The following SLC30A8 variants were observed in gnomAD, a reference collection of about 807,000 sequenced individuals.
SLC30A8 encodes the protein solute carrier family 30 member 8, also known as proton-coupled zinc antiporter SLC30A8.
In SLC30A8, 27 loss-of-function variants were observed where a neutral mutation model predicts 36.9. The ratio of observed to expected loss-of-function variants is 0.73; its 90% CI spans 0.54 to 1.01. The LOEUF (loss-of-function observed/expected upper bound fraction) is 1.01, where lower values mean the gene tolerates loss of function less well. Among genes scored for constraint, SLC30A8 ranks in the 50% least tolerant of loss-of-function variants. SLC30A8 has a pLI of 0.00. For synonymous variants in SLC30A8, 164 were observed against 172.4 expected (o/e 0.95, Z 0.38); for missense variants, 439 against 452.0 (o/e 0.97, Z 0.26).
chr8:117,084,016 CAG>C (rs1818770472), intron 2 of SLC30A8, among the ~76,000 whole-genome samples: 1 of 152,104 alleles, frequency 6.6e-6, no homozygotes, highest in Non-Finnish European at 1.5e-5. Flanking sequence ...GATTAAGTAA[CAG>C]AGCCCTTATA....
At chr8:117,055,373 A>G (rs1319199522) in intron 2 of SLC30A8, among the ~76,000 whole-genome samples, 1 of 152,084 alleles carries the variant, frequency 6.6e-6, no homozygotes, top group Non-Finnish European at 1.5e-5. Flanking sequence ...CAGTGTCCTT[A>G]CTCTTAAATT....
At chr8:116,970,980 A>G (rs1242634502) in intron 1 of SLC30A8, among the ~76,000 whole-genome samples, 1 of 152,156 alleles carries the variant, frequency 6.6e-6, no homozygotes, top group Admixed American at 6.5e-5. Flanking sequence ...CTGTAATCCC[A>G]GCTACTTGGG....
chr8:117,096,214 A>G (rs1819356076), intron 2 of SLC30A8, among the ~76,000 whole-genome samples: 1 of 152,212 alleles, frequency 6.6e-6, no homozygotes, highest in Non-Finnish European at 1.5e-5. Flanking sequence ...TCTCTGCAGA[A>G]GGGCTGGGTT....
chr8:117,081,444 G>T (rs1341415976), intron 2 of SLC30A8, among the ~76,000 whole-genome samples: 1 of 152,160 alleles, frequency 6.6e-6, no homozygotes, highest in Non-Finnish European at 1.5e-5. Flanking sequence ...TCCTCTTTTT[G>T]TGAGGACATT....
chr8:117,059,301 G>A (rs1164889545), intron 2 of SLC30A8, among the ~76,000 whole-genome samples: 1 of 152,106 alleles, frequency 6.6e-6, no homozygotes, highest in Non-Finnish European at 1.5e-5. Context: ...GAATGCATCG[G>A]TAACAGCATG....
chr8:117,113,974 G>A (rs370529704), intron 2 of SLC30A8, among the ~76,000 whole-genome samples: 1 of 152,092 alleles, frequency 6.6e-6, no homozygotes, highest in Non-Finnish European at 1.5e-5. Context: ...TAAAGATTAT[G>A]TTTTTATCAT....
intron 1 of SLC30A8, among the ~76,000 whole-genome samples, chr8:117,025,888 G>A (rs1563753796): frequency 6.6e-6 from 1 of 152,204 alleles, no homozygotes; most frequent in African/African-American, 2.4e-5. Flanking sequence ...ATGGTCTCAG[G>A]ATTAAGATTA....
At chr8:116,957,498 T>C (rs1271098548) in intron 1 of SLC30A8, among the ~76,000 whole-genome samples, 1 of 152,138 alleles carries the variant, frequency 6.6e-6, no homozygotes, top group Admixed American at 6.5e-5. Context: ...CTGGAGCTCC[T>C]GACCTCAAGT....
At chr8:116,958,014 C>T (rs1032819627) in intron 1 of SLC30A8, among the ~76,000 whole-genome samples, 2 of 152,228 alleles carry the variant, frequency 1.3e-5, no homozygotes, top group African/African-American at 4.8e-5. Flanking sequence ...CCAGATTTGA[C>T]TGTGCCTATC....
intron 1 of SLC30A8, among the ~76,000 whole-genome samples, chr8:117,034,470 T>C (rs780688265): frequency 1.3e-5 from 2 of 152,216 alleles, no homozygotes; most frequent in South Asian, 2.1e-4. Flanking sequence ...AGACAGTTAA[T>C]TGAATCTTCA....
intron 2 of SLC30A8, among the ~76,000 whole-genome samples, chr8:117,054,098 C>CTTTTTTTT (rs4060800): frequency 0.024 from 2,937 of 123,848 alleles, 160 homozygotes; most frequent in African/African-American, 0.048. Flanking sequence ...CTGCAAAAAT[C>CTTTTTTTT]TTTTTTTTTT....
At chr8:117,160,072 G>A (rs1822698035) in intron 4 of SLC30A8, among the ~76,000 whole-genome samples, 3 of 152,180 alleles carry the variant, frequency 2.0e-5, no homozygotes, top group Non-Finnish European at 4.4e-5. Context: ...TGGGATTACA[G>A]GTTTCAAATG....
chr8:117,110,789 C>T (rs1820192917), intron 2 of SLC30A8, among the ~76,000 whole-genome samples: 1 of 152,110 alleles, frequency 6.6e-6, no homozygotes, highest in Admixed American at 6.5e-5. Flanking sequence ...AATTATAATG[C>T]TACATGTATA....
intron 6 of SLC30A8, among the ~76,000 whole-genome samples, chr8:117,169,387 A>G (rs761794444): frequency 6.6e-6 from 1 of 152,172 alleles, no homozygotes; most frequent in Non-Finnish European, 1.5e-5. Flanking sequence ...GATTGCAAAA[A>G]TTCAAAAAAT....
At chr8:116,970,380 A>G (rs1000643204) in intron 1 of SLC30A8, among the ~76,000 whole-genome samples, 12 of 152,238 alleles carry the variant, frequency 7.9e-5, no homozygotes, top group Non-Finnish European at 1.8e-4. Flanking sequence ...CATTTTTTTA[A>G]TAAGTAGAAG....
At chr8:117,101,794 T>C (rs185638116) in intron 2 of SLC30A8, among the ~76,000 whole-genome samples, 71 of 152,328 alleles carry the variant, frequency 4.7e-4, no homozygotes, top group African/African-American at 1.4e-3. Flanking sequence ...GCTGGATGCT[T>C]CCTACCCTTG....
intron 1 of SLC30A8, among the ~76,000 whole-genome samples, chr8:117,033,706 T>C (rs1817125847): frequency 6.6e-6 from 1 of 152,194 alleles, no homozygotes; most frequent in Admixed American, 6.5e-5. Context: ...AGAGTGATAC[T>C]ATGGGAGAAG....
At chr8:116,981,574 T>A (rs971740188) in intron 1 of SLC30A8, among the ~76,000 whole-genome samples, 1 of 152,156 alleles carries the variant, frequency 6.6e-6, no homozygotes, top group East Asian at 1.9e-4. Flanking sequence ...TCCCTCTCAC[T>A]ACCCTCAAGC....
chr8:117,111,309 C>CT (rs1186721082), intron 2 of SLC30A8, among the ~76,000 whole-genome samples: 2 of 152,130 alleles, frequency 1.3e-5, no homozygotes, highest in Non-Finnish European at 2.9e-5. Context: ...AGGTTAGGAA[C>CT]TGGGTTTTGG....
Sources: gnomAD v4.1 joint callset for allele counts (sites outside exome capture counted in the v4.1 genomes callset) on GRCh38, gnomAD v4.1.1 for gene constraint, MANE v1.5 for transcripts, NCBI Gene and HGNC (gene_info 2026-07-23, HGNC 2026-07-21) for gene names.